The following ARHGAP1 variants were observed in gnomAD, a reference collection of about 807,000 sequenced individuals.
ARHGAP1 encodes the protein Rho GTPase activating protein 1.
Under a neutral mutation model 52.2 loss-of-function variants are expected in ARHGAP1, and 23 were observed. That is an observed-to-expected ratio of 0.44 (90% CI 0.32 to 0.62). The LOEUF (loss-of-function observed/expected upper bound fraction) is 0.62. Ranked by LOEUF, ARHGAP1 falls within the 20% of genes least tolerant of loss-of-function variation. The pLI is 0.05. For missense variants in ARHGAP1, 480 were observed against 560.9 expected (o/e 0.86, Z 1.46); for synonymous variants, 210 against 228.4 (o/e 0.92, Z 0.73).
chr11:46,681,580 C>G lies in ARHGAP1; in HGVS notation c.450-201G>C, dbSNP rs2064528415. 6 of 532,016 alleles carry G rather than the reference C, an allele frequency of 1.1e-5. No homozygotes were observed. Among genetic ancestry groups the G allele is most frequent in the Non-Finnish European group, 1.7e-5 (5 of 294,836 alleles). The allele number at this position is 532,016 out of a possible 1,614,324, so 33.0% of individuals were successfully genotyped here. ...TCCTGAGTAACTAGGATTACAGGCACCCACCACCACACCTAGCTAATTTTT... is the reference window on the plus strand; with the variant it reads ...TCCTGAGTAACTAGGATTACAGGCAGCCACCACCACACCTAGCTAATTTTT... On this transcript the variant is annotated intron_variant, in intron 5 of 12. Transcript: ENST00000311956. The surrounding 1 kb of genome is among the most constrained non-coding windows in gnomAD (Gnocchi z 5.7).
chr11:46,698,143 C>G (rs910006637), intron 1 of ARHGAP1, among the ~76,000 whole-genome samples: 1 of 152,226 alleles, frequency 6.6e-6, no homozygotes, highest in Non-Finnish European at 1.5e-5. Flanking sequence ...GTATGGAGAG[C>G]TGGATTATCA....
chr11:46,684,019 C>A (rs1396398655), intron 4 of ARHGAP1, among the ~76,000 whole-genome samples: 1 of 152,116 alleles, frequency 6.6e-6, no homozygotes, highest in Non-Finnish European at 1.5e-5. Flanking sequence ...GCTGGGCAGG[C>A]AGAATGCTAA....
intron 3 of ARHGAP1, among the ~76,000 whole-genome samples, chr11:46,693,733 T>A (rs1176544221): frequency 6.6e-6 from 1 of 152,074 alleles, no homozygotes; most frequent in East Asian, 1.9e-4. Context: ...GCCTGGGACC[T>A]GGGAGGTAGG....
chr11:46,679,050 G>T lies in ARHGAP1; in HGVS notation c.1307C>A (p.Pro436His). The T allele has an allele frequency of 6.2e-7, 1 of 1,614,186 alleles. No homozygotes were observed. ...HQGELFPSPD[P>H]SGL ...CAGGGGCCAGGTTCAGAGCCCGCTG[G>T]GGTCCGGGCTTGGGAACAGCTCCCC... is the stretch of plus-strand genomic sequence containing the variant. The change falls in exon 13 of 13, where the codon CCC becomes CAC. Residue 436 changes from proline (P) to histidine (H), a missense_variant. Physicochemically the swap from Pro to His is moderately conservative, Grantham distance 77. Transcript: ENST00000311956. This position sits in a 1 kb window ranked among gnomAD's most constrained non-coding sequence, Gnocchi z 4.4.
rs1229427747 is a variant in ARHGAP1 at position 46,682,165 on chromosome 11, A to G, written c.335T>C (p.Leu112Pro). Residue 112 changes from leucine to proline, a missense_variant, in exon 5 of 13, where the codon CTG becomes CCG. Transcript: ENST00000311956. ...SKLLGYLKHT[L>P]DQYVESDYTL... The stretch of plus-strand genomic sequence containing the variant: ...GTAGTCACTCTCCACGTACTGGTCC[A>G]GGGTGTGCTTCAGGTACCTTCCAGG... 1.2e-6 allele frequency: 2 copies of G among 1,613,978 alleles called. No individual in the cohort carries two copies. Among genetic ancestry groups the G allele is most frequent in the African/African-American group, 1.3e-5 (1 of 74,940 alleles).
Position 46,679,235 on chromosome 11 carries a change from G to C in ARHGAP1, c.1132-10C>G. 6.3e-7 allele frequency: 1 copy of C among 1,594,658 alleles called. No homozygotes were observed. The highest frequency in any genetic ancestry group is 8.6e-7 in the Non-Finnish European group (1 of 1,168,402). ...CACTGTGTGCAGAAATCTGTGGAGGGAATCAGGGACTGCAGCAGGAAGCCA... is the reference window on the plus strand; with the variant it reads ...CACTGTGTGCAGAAATCTGTGGAGGCAATCAGGGACTGCAGCAGGAAGCCA... On this transcript the variant is annotated splice_polypyrimidine_tract_variant and intron_variant, in intron 12 of 12. Transcript: ENST00000311956. This position sits in a 1 kb window ranked among gnomAD's most constrained non-coding sequence, Gnocchi z 4.4.
Position 46,679,180 on chromosome 11 carries a change from C to A in ARHGAP1, c.1177G>T (p.Ala393Ser). Residue 393 changes from alanine to serine, a missense_variant, in exon 13 of 13, where the codon GCT (alanine) becomes TCT (serine). By Grantham distance (99) the Ala-to-Ser change is moderately conservative. Coordinates refer to ENST00000311956, the MANE Select transcript of ARHGAP1 (RefSeq NM_004308.5). The surrounding 1 kb of genome is among the most constrained non-coding windows in gnomAD (Gnocchi z 4.4). Reference protein sequence around the residue: ...DQNKMTNTNLAVVFGPNLLWA... With the variant: ...DQNKMTNTNLSVVFGPNLLWA... ...AGCAGGTTAGGGCCGAAAACAACAG[C>A]CAGGTTAGTGTTGGTCATCTTGTTC... is the stretch of plus-strand genomic sequence containing the variant. 1 of 1,612,450 alleles carries A rather than the reference C, an allele frequency of 6.2e-7. No homozygotes were observed.
Position 46,680,510 on chromosome 11 carries a change from G to A in ARHGAP1, c.797C>T (p.Thr266Ile). Reference sequence around the variant, plus strand: ...ACCGTGGGCCTGTAAGTAGGCAACAGTCTCCCTGAGTACAATGGGAATGGG... The same window carrying A: ...ACCGTGGGCCTGTAAGTAGGCAACAATCTCCCTGAGTACAATGGGAATGGG... ...QEPIPIVLRETVAYLQAHALT... is the reference protein window; with the variant it reads ...QEPIPIVLREIVAYLQAHALT... Residue 266 changes from threonine (T) to isoleucine (I), a missense_variant, in exon 9 of 13, where the codon ACT becomes ATT. By Grantham distance (89) the Thr-to-Ile change is moderately conservative. Coordinates refer to ENST00000311956, the MANE Select transcript of ARHGAP1 (RefSeq NM_004308.5). The surrounding 1 kb of genome is among the most constrained non-coding windows in gnomAD (Gnocchi z 5.9). 1 of 1,614,090 alleles carries A rather than the reference G, an allele frequency of 6.2e-7. No homozygotes were observed. Among genetic ancestry groups the A allele is most frequent in the Non-Finnish European group, 8.5e-7 (1 of 1,180,002 alleles).
chr11:46,693,442 A>C (rs567914719), intron 3 of ARHGAP1, among the ~76,000 whole-genome samples: 1 of 145,096 alleles, frequency 6.9e-6, no homozygotes, highest in Non-Finnish European at 1.5e-5. Flanking sequence ...ATCTTGCTCT[A>C]TCACCCAGGC....
chr11:46,699,941 G>A (rs2134502445), intron 1 of ARHGAP1, among the ~76,000 whole-genome samples: 1 of 152,062 alleles, frequency 6.6e-6, no homozygotes, highest in Non-Finnish European at 1.5e-5. Flanking sequence ...GGAGGCGGGG[G>A]CGGGAGGATC....
chr11:46,683,932 G>A (rs561774671), intron 4 of ARHGAP1, among the ~76,000 whole-genome samples: 1 of 152,192 alleles, frequency 6.6e-6, no homozygotes, highest in African/African-American at 2.4e-5. Context: ...GAGCCACTGC[G>A]CCCGGCCATA....
At position 46,695,363 on chromosome 11, in the gene ARHGAP1, G is replaced by A. The variant is rs928749073; in HGVS notation, c.229+297C>T. 9 of 432,612 alleles carry A rather than the reference G, an allele frequency of 2.1e-5. No homozygotes were observed. In the Admixed American group the frequency reaches 2.4e-4, roughly 12 times the overall value. 26.8% of individuals were successfully genotyped at this position (432,612 alleles called of 1,614,324 possible). On this transcript the variant is annotated intron_variant, in intron 3 of 12. Coordinates refer to ENST00000311956, the MANE Select transcript of ARHGAP1 (RefSeq NM_004308.5). ...TGGAGGGGTAGGAGGGCAATAGAAC[G>A]AGGGGAAGGGAAGGCTACTTATTCA...
chr11:46,680,334 T>C lies in ARHGAP1; in HGVS notation c.821-52A>G, dbSNP rs752120837. On this transcript the variant is annotated intron_variant, in intron 9 of 12. Coordinates refer to ENST00000311956, the MANE Select transcript of ARHGAP1 (RefSeq NM_004308.5). The surrounding 1 kb of genome is among the most constrained non-coding windows in gnomAD (Gnocchi z 5.9). ...CTCCGAGCGCTGGGCACCGGCTGGA[T>C]TCCCTGCCCCTTCTCTGTCTTGGGG... 12 of 1,599,214 alleles carry C rather than the reference T, an allele frequency of 7.5e-6. No homozygotes were observed. In the Admixed American group the frequency reaches 2.0e-4, roughly 27 times the overall value.
At position 46,679,308 on chromosome 11, in the gene ARHGAP1, G is replaced by A; in HGVS notation, c.1131+57C>T. On this transcript the variant is annotated intron_variant, in intron 12 of 12. Transcript: ENST00000311956. The surrounding 1 kb of genome is among the most constrained non-coding windows in gnomAD (Gnocchi z 4.4). ...GCAACAATGACCAGGGCGCAGAGGA[G>A]GCGGCAGCTCCTCCTTCCCCCTCCC... 2.5e-6 allele frequency: 4 copies of A among 1,605,970 alleles called. No homozygotes were observed. The highest frequency in any genetic ancestry group is 3.4e-6 in the Non-Finnish European group (4 of 1,173,896).
chr11:46,688,409 G>T (rs1482691889), intron 3 of ARHGAP1, 149 bp from the exon 4 acceptor site: 2 of 721,888 alleles, frequency 2.8e-6, no homozygotes, highest in Non-Finnish European at 4.7e-6. Flanking sequence ...GCAGCCTCCT[G>T]CATGCAAGGG....
chr11:46,699,285 C>T (rs899674397), intron 1 of ARHGAP1, among the ~76,000 whole-genome samples: 4 of 152,178 alleles, frequency 2.6e-5, no homozygotes, highest in African/African-American at 9.7e-5. Flanking sequence ...ATTAATTCAT[C>T]TCCTAAGTAA....
chr11:46,695,287 C>T (rs2064643701), intron 3 of ARHGAP1: 1 of 358,556 alleles, frequency 2.8e-6, no homozygotes, highest in Non-Finnish European at 5.5e-6. Context: ...GAAGGACTGG[C>T]ACTCCTCATC....
At chr11:46,695,592 G>C (rs962966362) in intron 3 of ARHGAP1, 68 bp downstream of exon 3, 2 of 1,437,612 alleles carry the variant, frequency 1.4e-6, no homozygotes, top group African/African-American at 2.8e-5. Flanking sequence ...TTCCCCTGTG[G>C]TGTGAAGGGC....
Position 46,677,948 on chromosome 11 carries a change from A to G in ARHGAP1, c.*1089T>C. On this transcript the variant is annotated 3_prime_UTR_variant, in exon 13 of 13. Coordinates refer to ENST00000311956, the MANE Select transcript of ARHGAP1 (RefSeq NM_004308.5). ...ACAGAGCGAGACTCCATCTCAGAAA[A>G]AAAAAAAAAAAGGTGGCCCTAGAGC... 1 of 439,914 alleles carries G rather than the reference A, an allele frequency of 2.3e-6. No individual in the cohort carries two copies. Among genetic ancestry groups the G allele is most frequent in the African/African-American group, 2.1e-5 (1 of 48,482 alleles). The allele number at this position is 439,914 out of a possible 1,614,324, so 27.3% of individuals were successfully genotyped here.
Sources: allele counts gnomAD v4.1 joint callset (sites outside exome capture counted in the v4.1 genomes callset), GRCh38; gene constraint gnomAD v4.1.1; non-coding constraint Gnocchi (gnomAD v3.1); transcripts MANE v1.5; gene names NCBI Gene and HGNC (gene_info 2026-07-23, HGNC 2026-07-21).